Variants in EZH2 observed in about 807,000 individuals in gnomAD.
The protein encoded by EZH2 is enhancer of zeste 2 polycomb repressive complex 2 subunit, also known as histone-lysine N-methyltransferase EZH2.
Under a neutral mutation model 98.4 loss-of-function variants are expected in EZH2, and 18 were observed. The ratio of observed to expected loss-of-function variants is 0.18; its 90% CI spans 0.13 to 0.27. The LOEUF is 0.27. Ranked by LOEUF, EZH2 falls within the 10% of genes least tolerant of loss-of-function variation. EZH2 has a pLI of 1.00. For synonymous variants in EZH2, 338 were observed against 312.3 expected (o/e 1.08, Z -0.87); for missense variants, 470 against 935.1 (o/e 0.50, Z 6.49).
At chr7:148,882,055 T>C (rs1365725066) in intron 1 of EZH2, among the ~76,000 whole-genome samples, 1 of 151,888 alleles carries the variant, frequency 6.6e-6, no homozygotes, top group Non-Finnish European at 1.5e-5. Context: ...CTACCTTATC[T>C]CATAATGGAC....
chr7:148,862,922 TG>T (rs1817900843), intron 1 of EZH2, among the ~76,000 whole-genome samples: 1 of 144,588 alleles, frequency 6.9e-6, no homozygotes, highest in African/African-American at 2.6e-5. Context: ...TGTTTTGTTT[TG>T]TTTTTTTAAA....
intron 3 of EZH2, among the ~76,000 whole-genome samples, chr7:148,844,369 G>A (rs551644926): frequency 2.6e-5 from 4 of 152,102 alleles, no homozygotes; most frequent in African/African-American, 4.8e-5. Flanking sequence ...TATCACAAAC[G>A]ATATAAACTC....
intron 4 of EZH2, among the ~76,000 whole-genome samples, chr7:148,831,466 A>G (rs1809372391): frequency 6.6e-6 from 1 of 152,238 alleles, no homozygotes; most frequent in African/African-American, 2.4e-5. Flanking sequence ...CTTAGTTACA[A>G]TAAAGATTGT....
Position 148,810,329 on chromosome 7 carries a change from A to T in EZH2, c.2029+4T>A. 1 of 1,602,658 alleles carries T rather than the reference A, an allele frequency of 6.2e-7. No individual in the cohort carries two copies. Among genetic ancestry groups the T allele is most frequent in the Non-Finnish European group, 8.5e-7 (1 of 1,170,500 alleles). ...ACTCACTGCCTCCCAGCTCTGAAAC[A>T]TACCATTGTTCAAGTTGAACAGAAA... On this transcript the variant is annotated splice_donor_region_variant and intron_variant, in intron 17 of 19. Coordinates refer to ENST00000320356, the MANE Select transcript of EZH2 (RefSeq NM_004456.5).
In EZH2 at chr7:148,866,627, T is replaced by C. The variant is rs140321891; in HGVS notation, c.-8+17537A>G. 7.5e-3 allele frequency among the ~76,000 whole-genome samples: 1,102 copies of C among 146,564 alleles called. 15 individuals are homozygous for C. The highest frequency in any genetic ancestry group is 0.028 in the Admixed American group (411 of 14,506). On this transcript the variant is annotated intron_variant, in intron 1 of 19. Transcript: ENST00000320356. ...ATTATATATAATATATATGCATATA[T>C]GTATATATACATATACATATACGTA...
At chr7:148,861,802 TTAA>T (rs1817709989) in intron 1 of EZH2, among the ~76,000 whole-genome samples, 1 of 69,222 alleles carries the variant, frequency 1.4e-5, no homozygotes, top group Non-Finnish European at 2.7e-5. Flanking sequence ...CTTCTTTTAT[TTAA>T]AAAAAAAAAA....
intron 1 of EZH2, among the ~76,000 whole-genome samples, chr7:148,849,643 A>G (rs911468925): frequency 6.6e-6 from 1 of 152,234 alleles, no homozygotes; most frequent in Admixed American, 6.5e-5. Flanking sequence ...GCTTTGAGGT[A>G]AAGCAGAAAA....
At chr7:148,826,362 T>G (rs1563235373) in intron 8 of EZH2, 92 bp downstream of exon 8, 6 of 992,432 alleles carry the variant, frequency 6.0e-6, no homozygotes, top group Non-Finnish European at 8.1e-6. Flanking sequence ...ACTACAAGAT[T>G]AAATGATAAA....
At chr7:148,828,951 A>G (rs1808525595) in intron 5 of EZH2, 71 bp from the exon 6 acceptor site, 6 of 1,484,040 alleles carry the variant, frequency 4.0e-6, no homozygotes, top group Non-Finnish European at 5.5e-6. Flanking sequence ...TCCTTTTTCT[A>G]CTTGGACAAA....
intron 1 of EZH2, among the ~76,000 whole-genome samples, chr7:148,876,617 A>C (rs1187900995): frequency 6.6e-6 from 1 of 152,204 alleles, no homozygotes; most frequent in Non-Finnish European, 1.5e-5. Flanking sequence ...TCAGGAGAGA[A>C]AACAATGTCA....
chr7:148,847,734 A>G (rs1194028039), intron 1 of EZH2, among the ~76,000 whole-genome samples: 2 of 152,238 alleles, frequency 1.3e-5, no homozygotes, highest in African/African-American at 4.8e-5. Flanking sequence ...AAATCCAAGA[A>G]GAAGTAAAAT....
At chr7:148,850,096 G>C (rs1345162842) in intron 1 of EZH2, among the ~76,000 whole-genome samples, 1 of 152,062 alleles carries the variant, frequency 6.6e-6, no homozygotes, top group Non-Finnish European at 1.5e-5. Context: ...TCCGCTCACT[G>C]CAAGCTCTGC....
intron 1 of EZH2, among the ~76,000 whole-genome samples, chr7:148,862,243 T>C (rs184570306): frequency 6.6e-6 from 1 of 152,348 alleles, no homozygotes; most frequent in East Asian, 1.9e-4. Context: ...TCACTTTAAA[T>C]GAATCTTTAA....
intron 11 of EZH2, 68 bp downstream of exon 11, chr7:148,817,154 G>T: frequency 3.5e-6 from 5 of 1,424,372 alleles, no homozygotes; most frequent in East Asian, 2.4e-5. Flanking sequence ...TTCTTTGTTT[G>T]GACAACGAGT....
At chr7:148,811,599 C>T (rs768308774) in intron 16 of EZH2, 26 bp downstream of exon 16, 11 of 1,578,480 alleles carry the variant, frequency 7.0e-6, no homozygotes, top group African/African-American at 1.3e-5. Flanking sequence ...ACAATGCCAC[C>T]TGAATACAGG....
At chr7:148,858,854 G>A (rs1817245992) in intron 1 of EZH2, among the ~76,000 whole-genome samples, 1 of 152,210 alleles carries the variant, frequency 6.6e-6, no homozygotes, top group South Asian at 2.1e-4. Flanking sequence ...AAGAGATAAT[G>A]CACTTTTAGG....
At chr7:148,814,437 A>G (rs917972944) in intron 14 of EZH2, among the ~76,000 whole-genome samples, 4 of 152,278 alleles carry the variant, frequency 2.6e-5, no homozygotes, top group Admixed American at 1.3e-4. Context: ...GACCATTCCA[A>G]TAGCCCCTAG....
chr7:148,827,345 G>C, intron 6 of EZH2, 79 bp from the exon 7 acceptor site: 1 of 1,045,038 alleles, frequency 9.6e-7, no homozygotes, highest in South Asian at 1.4e-5. Context: ...ACCCAATTAT[G>C]TCTCTATAAC....
At chr7:148,842,619 A>C (rs900573480) in intron 3 of EZH2, among the ~76,000 whole-genome samples, 1 of 152,248 alleles carries the variant, frequency 6.6e-6, no homozygotes, top group Non-Finnish European at 1.5e-5. Flanking sequence ...GAATAAAAGA[A>C]ATAAACGTAA....
Sources: gnomAD v4.1 joint callset for allele counts (sites outside exome capture counted in the v4.1 genomes callset) on GRCh38, gnomAD v4.1.1 for gene constraint, MANE v1.5 for transcripts, NCBI Gene and HGNC (gene_info 2026-07-23, HGNC 2026-07-21) for gene names.